Variants in CADPS2 observed in about 807,000 individuals in gnomAD.
CADPS2 encodes calcium dependent secretion activator 2, also known as calcium-dependent secretion activator 2.
Under a neutral mutation model 172.5 loss-of-function variants are expected in CADPS2, and 93 were observed. The ratio of observed to expected loss-of-function variants is 0.54; its 90% CI spans 0.46 to 0.64. The LOEUF is 0.64. CADPS2 is among the 30% of genes least tolerant of loss of function. The probability of loss-of-function intolerance (pLI) is 0.00; values close to 1 mark genes in which losing one functional copy is unlikely to be tolerated. For missense variants in CADPS2, 1,420 were observed against 1,565.9 expected, an observed-to-expected ratio of 0.91 and a Z score of 1.57; for synonymous variants, 546 against 555.2, an observed-to-expected ratio of 0.98 and a Z score of 0.23.
chr7:122,468,333 C>T (rs926857189), intron 14 of CADPS2, among the ~76,000 whole-genome samples: 3 of 152,118 alleles, frequency 2.0e-5, no homozygotes, highest in African/African-American at 4.8e-5. Flanking sequence ...TATGTTTAAA[C>T]AAAAGTCTCT....
At chr7:122,480,729 T>G (rs2057188711) in intron 12 of CADPS2, 123 bp downstream of exon 12, 1 of 615,498 alleles carries the variant, frequency 1.6e-6, no homozygotes, top group Non-Finnish European at 2.6e-6. Flanking sequence ...CTAACTTAAA[T>G]ATTCTGGGTT....
chr7:122,524,352 T>C (rs1006397654), intron 8 of CADPS2, among the ~76,000 whole-genome samples: 7 of 152,152 alleles, frequency 4.6e-5, no homozygotes, highest in Non-Finnish European at 8.8e-5. Context: ...GGTCTCCCTT[T>C]TTCATATTCA....
At chr7:122,439,514 C>T (rs895653859) in intron 16 of CADPS2, 2 of 152,096 alleles carry the variant, frequency 1.3e-5, no homozygotes, top group African/African-American at 4.8e-5. Flanking sequence ...GTAAGTCAGC[C>T]TCAGCACTAA....
chr7:122,404,207 T>C (rs1269580008), intron 20 of CADPS2, among the ~76,000 whole-genome samples: 1 of 152,114 alleles, frequency 6.6e-6, no homozygotes, highest in Non-Finnish European at 1.5e-5. Flanking sequence ...GTGTTCTCAT[T>C]GTTCAATTCC....
chr7:122,814,828 T>C (rs1800916301), intron 1 of CADPS2, among the ~76,000 whole-genome samples: 1 of 152,170 alleles, frequency 6.6e-6, no homozygotes, highest in South Asian at 2.1e-4. Context: ...AGAATTACTA[T>C]GAATCAAGAA....
chr7:122,319,020 A>C lies in CADPS2; in HGVS notation c.*1145T>G, dbSNP rs1440446162. The C allele has an allele frequency of 2.0e-5, 3 of 152,220 alleles. No individual in the cohort carries two copies. The highest frequency in any genetic ancestry group is 4.8e-5 in the African/African-American group (2 of 41,466). 9.4% of individuals were successfully genotyped at this position (152,220 alleles called of 1,614,324 possible). A position where few individuals can be genotyped will look rare whatever the true frequency, so the allele number is the denominator to read the frequency against. Reference sequence around the variant, plus strand: ...AGAACTTACGCAACATAATACAATTATCTCTCAAACCCTAGCAAGAAAATA... The same window carrying C: ...AGAACTTACGCAACATAATACAATTCTCTCTCAAACCCTAGCAAGAAAATA... On this transcript the variant is annotated 3_prime_UTR_variant, in exon 30 of 30. Coordinates refer to ENST00000449022, the MANE Select transcript of CADPS2 (RefSeq NM_017954.11).
chr7:122,668,927 T>C (rs2135502654), intron 2 of CADPS2, among the ~76,000 whole-genome samples: 1 of 152,324 alleles, frequency 6.6e-6, no homozygotes. Context: ...CATGCATTTA[T>C]TGTCCATTCC....
intron 1 of CADPS2, among the ~76,000 whole-genome samples, chr7:122,794,327 TA>T (rs1468666348): frequency 6.6e-6 from 1 of 152,108 alleles, no homozygotes; most frequent in Non-Finnish European, 1.5e-5. Context: ...TACTCTTGTC[TA>T]ATTGTCTTAT....
intron 1 of CADPS2, among the ~76,000 whole-genome samples, chr7:122,836,360 A>G (rs1364039190): frequency 1.3e-5 from 2 of 152,218 alleles, no homozygotes; most frequent in African/African-American, 4.8e-5. Context: ...GCTGGGAAGA[A>G]ACTGCATCAA....
At chr7:122,494,804 C>T (rs928576011) in intron 9 of CADPS2, among the ~76,000 whole-genome samples, 1 of 151,746 alleles carries the variant, frequency 6.6e-6, no homozygotes, top group African/African-American at 2.4e-5. Flanking sequence ...CTTTCCTCAT[C>T]TTACAGACAG....
intron 1 of CADPS2, among the ~76,000 whole-genome samples, chr7:122,828,044 T>A (rs114062075): frequency 6.6e-6 from 1 of 152,202 alleles, no homozygotes; most frequent in Non-Finnish European, 1.5e-5. Flanking sequence ...ATGTCTGATT[T>A]TCCTTTCAGT....
At chr7:122,382,956 G>C (rs895152581) in intron 24 of CADPS2, among the ~76,000 whole-genome samples, 15 of 151,984 alleles carry the variant, frequency 9.9e-5, no homozygotes, top group South Asian at 2.1e-4. Context: ...CCATTACTGG[G>C]TACATATCCA....
At chr7:122,712,026 T>G (rs1171520743) in intron 2 of CADPS2, among the ~76,000 whole-genome samples, 3 of 152,052 alleles carry the variant, frequency 2.0e-5, no homozygotes, top group Non-Finnish European at 2.9e-5. Flanking sequence ...ATTTTTAAAT[T>G]TAAAAAAAAA....
At chr7:122,854,148 C>T (rs1401669337) in intron 1 of CADPS2, among the ~76,000 whole-genome samples, 1 of 152,046 alleles carries the variant, frequency 6.6e-6, no homozygotes, top group African/African-American at 2.4e-5. Context: ...TAACTTGAGG[C>T]CAGGAGTTTG....
In CADPS2 at chr7:122,320,090, T is replaced by C; in HGVS notation, c.*75A>G. The C allele has an allele frequency of 7.6e-7, 1 of 1,308,024 alleles. No homozygotes were observed. The highest frequency in any genetic ancestry group is 2.7e-5 in the East Asian group (1 of 37,264). The allele number at this position is 1,308,024 out of a possible 1,614,324, so 81.0% of individuals were successfully genotyped here. A position where few individuals can be genotyped will look rare whatever the true frequency, so the allele number is the denominator to read the frequency against. On this transcript the variant is annotated 3_prime_UTR_variant, in exon 30 of 30. Transcript: ENST00000449022. The stretch of plus-strand genomic sequence containing the variant: ...TGGCCAAAACAAACAATGAATGTAA[T>C]TACAAGGACAAGGTTAAAAAAATAA...
intron 12 of CADPS2, 74 bp from the exon 13 acceptor site, chr7:122,474,591 T>C: frequency 3.5e-6 from 5 of 1,419,190 alleles, no homozygotes; most frequent in African/African-American, 1.4e-5. Context: ...TTGTGAAGAA[T>C]ACAAAATGCG....
Position 122,663,584 on chromosome 7 carries a change from A to G in CADPS2, c.454-15T>C, listed in dbSNP as rs776345501. 2 of 1,529,292 alleles carry G rather than the reference A, an allele frequency of 1.3e-6. No individual in the cohort carries two copies. Among genetic ancestry groups the G allele is most frequent in the African/African-American group, 2.8e-5 (2 of 72,170 alleles). The allele number at this position is 1,529,292 out of a possible 1,614,324, so 94.7% of individuals were successfully genotyped here. ...TTTAGAAAAACCTGAAAACAAAACA[A>G]AACAAAACAAAACAAAAAACAATTA... On this transcript the variant is annotated splice_polypyrimidine_tract_variant and intron_variant, in intron 2 of 29. Transcript: ENST00000449022.
At chr7:122,851,957 C>T (rs1195393891) in intron 1 of CADPS2, among the ~76,000 whole-genome samples, 1 of 152,172 alleles carries the variant, frequency 6.6e-6, no homozygotes, top group African/African-American at 2.4e-5. Context: ...TACTCATAGC[C>T]ACACAGACAT....
At chr7:122,759,001 G>GAAA (rs398040103) in intron 1 of CADPS2, among the ~76,000 whole-genome samples, 1 of 144,808 alleles carries the variant, frequency 6.9e-6, no homozygotes, top group Non-Finnish European at 1.5e-5. Context: ...CTTATTTCAG[G>GAAA]AAAAAAAAAA....
Sources: gnomAD v4.1 joint callset for allele counts (sites outside exome capture counted in the v4.1 genomes callset) on GRCh38, gnomAD v4.1.1 for gene constraint, MANE v1.5 for transcripts, NCBI Gene and HGNC (gene_info 2026-07-23, HGNC 2026-07-21) for gene names.